The following ZNF587 variants were observed in gnomAD, a reference collection of about 807,000 sequenced individuals.
The protein encoded by ZNF587 is zinc finger protein 587.
A neutral mutation model predicts 7.5 loss-of-function variants in ZNF587; 8 were observed. That is an observed-to-expected ratio of 1.06 (90% CI 0.62 to 1.92). The LOEUF (loss-of-function observed/expected upper bound fraction) is 1.92. Ranked by LOEUF, ZNF587 falls within the 40% of genes most tolerant of loss-of-function variation. The pLI is 0.00. For synonymous variants in ZNF587, 145 were observed against 237.8 expected (o/e 0.61, Z 3.59); for missense variants, 468 against 692.8 (o/e 0.68, Z 3.64).
rs1233969481 is a variant in ZNF587, at chr19:57,862,787, ACCT to A, written c.*2652_*2654del. The A allele has an allele frequency of 1.3e-5, 2 of 154,946 alleles. No homozygotes were observed. The highest frequency in any genetic ancestry group is 2.0e-4 in the South Asian group (1 of 4,916). The allele number at this position is 154,946 out of a possible 1,614,324, so 9.6% of individuals were successfully genotyped here. On this transcript the variant is annotated 3_prime_UTR_variant, in exon 3 of 3. Transcript: ENST00000339656. ...CTGAGGGACCCGGAGGCAGGGTGCCACCTCCTCAACTTCCCTGAGGGCTGCCTA... is the reference window on the plus strand; with the variant it reads ...CTGAGGGACCCGGAGGCAGGGTGCCACCTCAACTTCCCTGAGGGCTGCCTA...
intron 1 of ZNF587, among the ~76,000 whole-genome samples, chr19:57,853,536 G>C (rs963553910): frequency 1.3e-5 from 2 of 152,256 alleles, no homozygotes; most frequent in Admixed American, 6.5e-5. Context: ...CTGAGGACTG[G>C]ATCTCTTACT....
rs1433315614 is a variant in ZNF587 at position 57,862,448 on chromosome 19, A to G, written c.*2308A>G. On this transcript the variant is annotated 3_prime_UTR_variant, in exon 3 of 3. Coordinates refer to ENST00000339656, the MANE Select transcript of ZNF587 (RefSeq NM_032828.4). Reference sequence around the variant, plus strand: ...GCTACTTACTTCATTCTCCATGGGTAACGTCATTCATCCACATTAACTAAT... The same window carrying G: ...GCTACTTACTTCATTCTCCATGGGTGACGTCATTCATCCACATTAACTAAT... 3.9e-5 allele frequency: 6 copies of G among 152,476 alleles called. No homozygotes were observed. The highest frequency in any genetic ancestry group is 1.3e-4 in the Admixed American group (2 of 15,280). 9.4% of individuals were successfully genotyped at this position (152,476 alleles called of 1,614,324 possible).
At chr19:57,854,357 A>G (rs535854952) in intron 1 of ZNF587, among the ~76,000 whole-genome samples, 2 of 151,852 alleles carry the variant, frequency 1.3e-5, no homozygotes, top group South Asian at 4.1e-4. Flanking sequence ...TCACAGGATG[A>G]TTTGGGATTA....
chr19:57,850,412 T>G (rs928453681), intron 1 of ZNF587: 1 of 569,502 alleles, frequency 1.8e-6, no homozygotes, highest in African/African-American at 1.9e-5. Flanking sequence ...GCTTGGGAAG[T>G]GGGGAGTGCT....
intron 1 of ZNF587, among the ~76,000 whole-genome samples, chr19:57,853,169 A>C (rs2071304358): frequency 6.6e-6 from 1 of 152,164 alleles, no homozygotes; most frequent in Admixed American, 6.5e-5. Context: ...TAGATTTTCT[A>C]ATGTGGATGA....
In ZNF587 at chr19:57,863,319, T is replaced by A. The variant is rs1373380790; in HGVS notation, c.*3179T>A. On this transcript the variant is annotated 3_prime_UTR_variant, in exon 3 of 3. Transcript: ENST00000339656. The stretch of plus-strand genomic sequence containing the variant: ...TTTTAGCAGAGACCAGGTTTCACCA[T>A]GTTGGTCAGGCTGGTCTCAAACTCC... 1 of 152,328 alleles carries A rather than the reference T, an allele frequency of 6.6e-6. No individual in the cohort carries two copies. The highest frequency in any genetic ancestry group is 2.4e-5 in the African/African-American group (1 of 41,448). The allele number at this position is 152,328 out of a possible 1,614,324, so 9.4% of individuals were successfully genotyped here. A position where few individuals can be genotyped will look rare whatever the true frequency, so the allele number is the denominator to read the frequency against.
At chr19:57,850,722 G>C in intron 1 of ZNF587, 1 of 396,670 alleles carries the variant, frequency 2.5e-6, no homozygotes, top group Non-Finnish European at 4.4e-6. Flanking sequence ...GCTTCCTGGC[G>C]GCCCAGAGCT....
chr19:57,864,693 T>C lies in ZNF587; in HGVS notation c.*4553T>C, dbSNP rs1013068781. On this transcript the variant is annotated 3_prime_UTR_variant, in exon 3 of 3. Coordinates refer to ENST00000339656, the MANE Select transcript of ZNF587 (RefSeq NM_032828.4). ...GATGATTTTTAATCAACATAGGAGT[T>C]TCAATGATATCTAGAAGTTTAAAAG... 2 of 152,168 alleles carry C rather than the reference T, an allele frequency of 1.3e-5. No homozygotes were observed. Among genetic ancestry groups the C allele is most frequent in the African/African-American group, 4.8e-5 (2 of 41,432 alleles). 9.4% of individuals were successfully genotyped at this position (152,168 alleles called of 1,614,324 possible). A position where few individuals can be genotyped will look rare whatever the true frequency, so the allele number is the denominator to read the frequency against.
In ZNF587 at chr19:57,859,433, C is replaced by G. The variant is rs1400628373; in HGVS notation, c.1021C>G (p.Gln341Glu). ...KSFGQKGNLIQHQQGHTGERA... is the reference protein window; with the variant it reads ...KSFGQKGNLIEHQQGHTGERA... ...TTTTGGTCAAAAGGGTAACCTCATT[C>G]AACATCAGCAAGGTCACACTGGAGA... Residue 341 changes from glutamine (Q) to glutamate (E), a missense_variant, in exon 3 of 3, where the codon CAA becomes GAA. Coordinates refer to ENST00000339656, the MANE Select transcript of ZNF587 (RefSeq NM_032828.4). 7.4e-6 allele frequency: 12 copies of G among 1,611,030 alleles called. No individual in the cohort carries two copies. The highest frequency in any genetic ancestry group is 9.3e-6 in the Non-Finnish European group (11 of 1,179,944).
rs143037273 is a variant in ZNF587, at chr19:57,862,573, G to A, written c.*2433G>A. The A allele has an allele frequency of 1.3e-5, 2 of 154,934 alleles. No homozygotes were observed. Among genetic ancestry groups the A allele is most frequent in the East Asian group, 3.9e-4 (2 of 5,188 alleles). The allele number at this position is 154,934 out of a possible 1,614,324, so 9.6% of individuals were successfully genotyped here. A position where few individuals can be genotyped will look rare whatever the true frequency, so the allele number is the denominator to read the frequency against. ...AATGGCAGTTTCTTCTCAGCAAGGT[G>A]AGATTATGGAATCCAGAATCTTTTT... On this transcript the variant is annotated 3_prime_UTR_variant, in exon 3 of 3. Coordinates refer to ENST00000339656, the MANE Select transcript of ZNF587 (RefSeq NM_032828.4).
At position 57,860,037 on chromosome 19, in the gene ZNF587, A is replaced by G. The variant is rs1332553976; in HGVS notation, c.1625A>G (p.His542Arg). The part of the protein sequence containing the change: ...CSSLIKHRRI[H>R]TGERPYECTK... ...AGTCTCATTAAACACAGGAGAATTC[A>G]CACTGGAGAAAGGCCTTATGAATGC... The change falls in exon 3 of 3, where the codon CAC becomes CGC. Residue 542 changes from histidine to arginine, a missense_variant. This residue lies in a region of ZNF587 where 310 missense variants were observed against 325.6 expected (regional missense o/e 0.95). Coordinates refer to ENST00000339656, the MANE Select transcript of ZNF587 (RefSeq NM_032828.4). 8 of 1,614,084 alleles carry G rather than the reference A, an allele frequency of 5.0e-6. No homozygotes were observed. Among genetic ancestry groups the G allele is most frequent in the Non-Finnish European group, 6.8e-6 (8 of 1,180,030 alleles).
intron 2 of ZNF587, chr19:57,858,122 CTTTTTT>C (rs572536483): frequency 1.6e-5 from 2 of 123,582 alleles, no homozygotes; most frequent in South Asian, 2.4e-4. Flanking sequence ...GAAGCCCCAT[CTTTTTT>C]TTTTTTTTTT....
In ZNF587 at chr19:57,860,443, G is replaced by T. The variant is rs1170423953; in HGVS notation, c.*303G>T. 2.4e-6 allele frequency: 1 copy of T among 419,668 alleles called. No homozygotes were observed. The highest frequency in any genetic ancestry group is 4.3e-6 in the Non-Finnish European group (1 of 231,840). 26.0% of individuals were successfully genotyped at this position (419,668 alleles called of 1,614,324 possible). ...ACCACCACGCCCAGCTAATTTTTGT[G>T]TTTTTAGTGGAGATGGGGTTTTACC... On this transcript the variant is annotated 3_prime_UTR_variant, in exon 3 of 3. Coordinates refer to ENST00000339656, the MANE Select transcript of ZNF587 (RefSeq NM_032828.4).
At position 57,850,068 on chromosome 19, in the gene ZNF587, T is replaced by C. The variant is rs769850056; in HGVS notation, c.30T>C (p.Thr10=). MAAAVPRRP[T]QQGTVTFEDV... ...CAGCGGCTGTGCCGAGGCGCCCAAC[T>C]CAGGTAATTGTGGTGCCTTCTGTGC... The change falls in exon 1 of 3, where the codon ACT becomes ACC. Residue 10 remains threonine, a synonymous_variant. Transcript: ENST00000339656. The C allele has an allele frequency of 1.2e-6, 2 of 1,614,236 alleles. No homozygotes were observed. The highest frequency in any genetic ancestry group is 1.7e-6 in the Non-Finnish European group (2 of 1,180,042).
chr19:57,858,436 A>G, intron 2 of ZNF587, 140 bp from the exon 3 acceptor site: 3 of 1,460,818 alleles, frequency 2.1e-6, no homozygotes, highest in Admixed American at 5.3e-5. Flanking sequence ...CAGCAGCCCC[A>G]TCTTCAACTT....
rs2071257115 is a variant in ZNF587, at chr19:57,849,942, A to G, written c.-97A>G. On this transcript the variant is annotated 5_prime_UTR_variant, in exon 1 of 3. Coordinates refer to ENST00000339656, the MANE Select transcript of ZNF587 (RefSeq NM_032828.4). ...GGGTGGGACCGCGGTGACTGAACCT[A>G]GAAGGTGGAGAGGAATCGTCCTCGG... The G allele has an allele frequency of 6.2e-7, 1 of 1,609,808 alleles. No individual in the cohort carries two copies.
chr19:57,856,852 CTT>C (rs2071362591), intron 2 of ZNF587, among the ~76,000 whole-genome samples: 2 of 151,944 alleles, frequency 1.3e-5, no homozygotes, highest in South Asian at 4.1e-4. Context: ...ATCGGTAGCT[CTT>C]GTGTGCCCAG....
Position 57,859,371 on chromosome 19 carries a change from G to C in ZNF587, c.959G>C (p.Gly320Ala), listed in dbSNP as rs745442946. Reference protein sequence around the residue: ...SLISHQLVHTGEGPYECRECG... With the variant: ...SLISHQLVHTAEGPYECRECG... ...ATTAGCCATCAGCTTGTTCACACTG[G>C]AGAAGGGCCTTATGAGTGTAGAGAA... The change falls in exon 3 of 3, where the codon GGA becomes GCA. Residue 320 changes from glycine to alanine, a missense_variant. This residue lies in a region of ZNF587 where 310 missense variants were observed against 325.6 expected (regional missense o/e 0.95). Transcript: ENST00000339656. 1 of 1,611,016 alleles carries C rather than the reference G, an allele frequency of 6.2e-7. No individual in the cohort carries two copies. Among genetic ancestry groups the C allele is most frequent in the South Asian group, 1.1e-5 (1 of 91,038 alleles).
rs1388200273 is a variant in ZNF587 at position 57,864,215 on chromosome 19, C to G, written c.*4075C>G. The G allele has an allele frequency of 1.4e-5, 2 of 142,104 alleles. No individual in the cohort carries two copies. Among genetic ancestry groups the G allele is most frequent in the Non-Finnish European group, 3.0e-5 (2 of 66,532 alleles). The allele number at this position is 142,104 out of a possible 1,614,324, so 8.8% of individuals were successfully genotyped here. On this transcript the variant is annotated 3_prime_UTR_variant, in exon 3 of 3. Coordinates refer to ENST00000339656, the MANE Select transcript of ZNF587 (RefSeq NM_032828.4). ...ATGGCATGGTCTCGGCTCACTGCAA[C>G]CTCCGCCTCCCAGGTTCAAGTGATT... is the stretch of plus-strand genomic sequence containing the variant.
Sources: allele counts gnomAD v4.1 joint callset (sites outside exome capture counted in the v4.1 genomes callset), GRCh38; gene constraint gnomAD v4.1.1; regional missense constraint gnomAD v4.1.1; transcripts MANE v1.5; gene names NCBI Gene and HGNC (gene_info 2026-07-23, HGNC 2026-07-21).